The following SLC29A2 variants were observed in gnomAD, a reference collection of about 807,000 sequenced individuals.
SLC29A2 encodes solute carrier family 29 member 2.
Under a neutral mutation model 48.8 loss-of-function variants are expected in SLC29A2, and 37 were observed. The ratio of observed to expected loss-of-function variants is 0.76; its 90% CI spans 0.58 to 1.00. The LOEUF (loss-of-function observed/expected upper bound fraction) is 1.00. Ranked by LOEUF, SLC29A2 falls within the 50% of genes least tolerant of loss-of-function variation. The pLI is 0.00. For synonymous variants in SLC29A2, 233 were observed against 261.7 expected (o/e 0.89, Z 1.06); for missense variants, 533 against 578.6 (o/e 0.92, Z 0.81).
chr11:66,367,808 G>C lies in SLC29A2; in HGVS notation c.612C>G (p.Leu204=). ...GGCTCAGGTAACACACGATGGACAT[G>C]AGGATGCCCACACAGGGCGTGATAA... ...GYFITPCVGI[L]MSIVCYLSLP... Residue 204 remains leucine (L), a synonymous_variant, in exon 6 of 12, where the codon CTC becomes CTG. Coordinates refer to ENST00000357440, the MANE Select transcript of SLC29A2 (RefSeq NM_001532.3). The C allele has an allele frequency of 6.2e-7, 1 of 1,614,220 alleles. No individual in the cohort carries two copies. The highest frequency in any genetic ancestry group is 1.1e-5 in the South Asian group (1 of 91,084).
Position 66,369,499 on chromosome 11 carries a change from TG to T in SLC29A2, c.144del (p.Asn48LysfsTer7). 6.2e-7 allele frequency: 1 copy of T among 1,613,928 alleles called. No homozygotes were observed. The highest frequency in any genetic ancestry group is 1.3e-5 in the African/African-American group (1 of 75,008). On this transcript the variant is annotated frameshift_variant, in exon 3 of 12. Coordinates refer to ENST00000357440, the MANE Select transcript of SLC29A2 (RefSeq NM_001532.3). LOFTEE classifies it high-confidence loss of function. ...YFQARLAGAG[N>X]STARILSTNH... The stretch of plus-strand genomic sequence containing the variant: ...TTGGTGCTCAGGATCCTGGCTGTGC[TG>T]TTGCCGGCCCCGGCCAGTCGCGCCT...
At position 66,369,169 on chromosome 11, in the gene SLC29A2, G is replaced by C. The variant is rs1316031957; in HGVS notation, c.306C>G (p.Ser102Arg). 1 of 1,577,486 alleles carries C rather than the reference G, an allele frequency of 6.3e-7. No individual in the cohort carries two copies. Among genetic ancestry groups the C allele is most frequent in the Non-Finnish European group, 8.6e-7 (1 of 1,162,008 alleles). ...CVPETVRILG[S>R]LLAILLLFAL... ...CAAAGAGCAGCAGTATGGCCAGCAGGCTGCCCAGAATGCGCACCGTCTCCG... is the reference window on the plus strand; with the variant it reads ...CAAAGAGCAGCAGTATGGCCAGCAGCCTGCCCAGAATGCGCACCGTCTCCG... Residue 102 changes from serine to arginine, a missense_variant, in exon 4 of 12, where the codon AGC becomes AGG. Physicochemically the swap from Ser to Arg is moderately radical, Grantham distance 110. Coordinates refer to ENST00000357440, the MANE Select transcript of SLC29A2 (RefSeq NM_001532.3).
chr11:66,363,316 A>G lies in SLC29A2; in HGVS notation c.*120T>C. 1 of 777,336 alleles carries G rather than the reference A, an allele frequency of 1.3e-6. No individual in the cohort carries two copies. The highest frequency in any genetic ancestry group is 2.3e-6 in the Non-Finnish European group (1 of 442,134). 48.2% of individuals were successfully genotyped at this position (777,336 alleles called of 1,614,324 possible). On this transcript the variant is annotated 3_prime_UTR_variant, in exon 12 of 12. Transcript: ENST00000357440. ...GCTCCTGCCCGCTGCTGGCAGCCTC[A>G]GGCCCAGGGGCCTCCACCCCGCAGA...
Position 66,363,213 on chromosome 11 carries a change from T to C in SLC29A2, c.*223A>G. On this transcript the variant is annotated 3_prime_UTR_variant, in exon 12 of 12. Transcript: ENST00000357440. The stretch of plus-strand genomic sequence containing the variant: ...CCCTTTCCATGAGGTCTTGTGCGAG[T>C]CACCCCCATTCCTGGGTGAGGGTTA... 1.7e-6 allele frequency: 1 copy of C among 580,362 alleles called. No individual in the cohort carries two copies. The allele number at this position is 580,362 out of a possible 1,614,324, so 36.0% of individuals were successfully genotyped here.
chr11:66,366,267 C>T lies in SLC29A2; in HGVS notation c.868-36G>A, dbSNP rs752894388. 1.9e-6 allele frequency: 3 copies of T among 1,600,354 alleles called. No homozygotes were observed. In the South Asian group the frequency reaches 3.3e-5, roughly 18 times the overall value. On this transcript the variant is annotated intron_variant, in intron 8 of 11. Coordinates refer to ENST00000357440, the MANE Select transcript of SLC29A2 (RefSeq NM_001532.3). ...GAGGCAGGGGTGTGAGCAGGCAGGG[C>T]AGTCCCAGGGCCCCACCCTCTTGCC...
Position 66,369,360 on chromosome 11 carries a change from G to GC in SLC29A2, c.275+8dup, listed in dbSNP as rs1378211098. 1 of 1,613,862 alleles carries GC rather than the reference G, an allele frequency of 6.2e-7. No homozygotes were observed. Among genetic ancestry groups the GC allele is most frequent in the African/African-American group, 1.3e-5 (1 of 75,000 alleles). On this transcript the variant is annotated intron_variant, in intron 3 of 11. Coordinates refer to ENST00000357440, the MANE Select transcript of SLC29A2 (RefSeq NM_001532.3). Reference sequence around the variant, plus strand: ...GCAGAGGGCGCAGGAGCCAGGGCAGGCCTCTCACCACTGGTACAGGAAGGA... The same window carrying GC: ...GCAGAGGGCGCAGGAGCCAGGGCAGGCCCTCTCACCACTGGTACAGGAAGGA...
rs749057932 is a variant in SLC29A2, at chr11:66,363,384, C to A, written c.*52G>T. The A allele has an allele frequency of 3.6e-5, 51 of 1,432,400 alleles. No individual in the cohort carries two copies. The highest frequency in any genetic ancestry group is 2.2e-5 in the Non-Finnish European group (22 of 1,018,668). The allele number at this position is 1,432,400 out of a possible 1,614,324, so 88.7% of individuals were successfully genotyped here. A position where few individuals can be genotyped will look rare whatever the true frequency, so the allele number is the denominator to read the frequency against. On this transcript the variant is annotated 3_prime_UTR_variant, in exon 12 of 12. Transcript: ENST00000357440. Reference sequence around the variant, plus strand: ...CCATTCGCCCTGGGCTGGATCTCAGCTCCGGAAGGAGACGTCGAGAAGAGG... The same window carrying A: ...CCATTCGCCCTGGGCTGGATCTCAGATCCGGAAGGAGACGTCGAGAAGAGG...
chr11:66,366,806 G>A (rs759642617), intron 7 of SLC29A2, among the ~76,000 whole-genome samples: 5 of 152,048 alleles, frequency 3.3e-5, no homozygotes, highest in African/African-American at 7.2e-5. Flanking sequence ...AAAATTAGCC[G>A]GGCATGGCAG....
rs1855840864 is a variant in SLC29A2, at chr11:66,368,558, C to A, written c.529G>T (p.Ala177Ser). 1 of 1,613,340 alleles carries A rather than the reference C, an allele frequency of 6.2e-7. No homozygotes were observed. The highest frequency in any genetic ancestry group is 1.3e-5 in the African/African-American group (1 of 74,952). The change falls in exon 5 of 12, where the codon GCC becomes TCC. Residue 177 changes from alanine (A) to serine (S), a missense_variant. Transcript: ENST00000357440. ...TCACTGGCCATGGACAGGAGCATGGCAAGGGCAGCAAAGATCCCAGCCAGG... is the reference window on the plus strand; with the variant it reads ...TCACTGGCCATGGACAGGAGCATGGAAAGGGCAGCAAAGATCCCAGCCAGG... ...QGLAGIFAAL[A>S]MLLSMASGVD...
chr11:66,368,741 G>A (rs540365871), intron 4 of SLC29A2, 70 bp from the exon 5 acceptor site: 29 of 1,549,208 alleles, frequency 1.9e-5, no homozygotes, highest in South Asian at 3.6e-5. Context: ...AGGAGGTGCC[G>A]GCAGGATACA....
In SLC29A2 at chr11:66,369,428, CG is replaced by C; in HGVS notation, c.215del (p.Thr72SerfsTer41). 6.2e-7 allele frequency: 1 copy of C among 1,614,056 alleles called. No individual in the cohort carries two copies. On this transcript the variant is annotated frameshift_variant, in exon 3 of 12. Coordinates refer to ENST00000357440, the MANE Select transcript of SLC29A2 (RefSeq NM_001532.3). LOFTEE classifies it high-confidence loss of function. Reference sequence around the variant, plus strand: ...GCAGCAGGGGCAGCTGGGACAGCAGCGTCACCCAATTGTTGAAGTTGAAGGC... The same window carrying C: ...GCAGCAGGGGCAGCTGGGACAGCAGCTCACCCAATTGTTGAAGTTGAAGGC... ...EDAFNFNNWVTLLSQLPLLLF... is the reference protein window; with the variant it reads ...EDAFNFNNWVXLLSQLPLLLF...
At chr11:66,366,747 C>T (rs543962866) in intron 7 of SLC29A2, among the ~76,000 whole-genome samples, 183 bp from the exon 8 acceptor site, 6 of 152,074 alleles carry the variant, frequency 3.9e-5, no homozygotes, top group African/African-American at 4.8e-5. Flanking sequence ...CCCAGGAGTT[C>T]GAGACCAGCC....
chr11:66,370,148 G>A (rs1014116964), intron 2 of SLC29A2, among the ~76,000 whole-genome samples: 2 of 152,210 alleles, frequency 1.3e-5, no homozygotes, highest in African/African-American at 4.8e-5. Context: ...CTTTGGCATG[G>A]CTGTCGCCTC....
chr11:66,369,014 C>A, intron 4 of SLC29A2, 46 bp downstream of exon 4: 1 of 1,576,994 alleles, frequency 6.3e-7, no homozygotes, highest in Non-Finnish European at 8.6e-7. Flanking sequence ...TGAGGCCAGG[C>A]TGAAGCCCTG....
chr11:66,364,964 T>G (rs1855594036), intron 10 of SLC29A2, among the ~76,000 whole-genome samples: 1 of 152,006 alleles, frequency 6.6e-6, no homozygotes, highest in South Asian at 2.1e-4. Flanking sequence ...TGTTTGTTTT[T>G]GAGACAGAGT....
chr11:66,369,431 C>T lies in SLC29A2; in HGVS notation c.213G>A (p.Val71=). The part of the protein sequence containing the change: ...PEDAFNFNNW[V]TLLSQLPLLL... ...GCAGGGGCAGCTGGGACAGCAGCGT[C>T]ACCCAATTGTTGAAGTTGAAGGCAT... The change falls in exon 3 of 12, where the codon GTG becomes GTA. Residue 71 remains valine (V), a synonymous_variant. Transcript: ENST00000357440. 1 of 1,614,106 alleles carries T rather than the reference C, an allele frequency of 6.2e-7. No homozygotes were observed. Among genetic ancestry groups the T allele is most frequent in the Non-Finnish European group, 8.5e-7 (1 of 1,179,998 alleles).
At position 66,371,646 on chromosome 11, in the gene SLC29A2, C is replaced by G. The variant is rs1856053838; in HGVS notation, c.-55G>C. ...AAGGGGCAGAGAAGCCGCACCTGCA[C>G]CTGCGCTGGGGCGGAGGGCCGCAGA... is the stretch of plus-strand genomic sequence containing the variant. On this transcript the variant is annotated 5_prime_UTR_variant, in exon 1 of 12. Transcript: ENST00000357440. 1.3e-6 allele frequency: 2 copies of G among 1,526,570 alleles called. No individual in the cohort carries two copies. Among genetic ancestry groups the G allele is most frequent in the African/African-American group, 1.4e-5 (1 of 72,776 alleles). The allele number at this position is 1,526,570 out of a possible 1,614,324, so 94.6% of individuals were successfully genotyped here. A position where few individuals can be genotyped will look rare whatever the true frequency, so the allele number is the denominator to read the frequency against.
rs146921129 is a variant in SLC29A2, at chr11:66,366,495, G to A, written c.803C>T (p.Pro268Leu). The A allele has an allele frequency of 1.4e-4, 222 of 1,614,076 alleles. 1 individual carries two copies. The highest frequency in any genetic ancestry group is 1.2e-3 in the Middle Eastern group (7 of 6,012). Residue 268 changes from proline to leucine, a missense_variant, in exon 8 of 12, where the codon CCG becomes CTG. Pro to Leu is a moderately conservative substitution (Grantham distance 98). Transcript: ENST00000357440. ...LTLDLDLEKE[P>L]ESEPDEPQKP... ...CTGGGGCTCATCTGGCTCTGATTCC[G>A]GCTCCTTCTCCAGGTCAAGATCCAG...
chr11:66,363,592 A>T (rs1590643805), intron 11 of SLC29A2, 45 bp from the exon 12 acceptor site: 1 of 1,423,768 alleles, frequency 7.0e-7, no homozygotes, highest in East Asian at 2.4e-5. Flanking sequence ...GCTGGGTCTA[A>T]ATCTGGACCC....
Sources: allele counts gnomAD v4.1 joint callset (sites outside exome capture counted in the v4.1 genomes callset), GRCh38; gene constraint gnomAD v4.1.1; transcripts MANE v1.5; gene names NCBI Gene and HGNC (gene_info 2026-07-23, HGNC 2026-07-21).